Variants in ZNF317 observed in about 807,000 individuals in gnomAD.
The protein encoded by ZNF317 is zinc finger protein 317.
ZNF317 carries 17 observed loss-of-function variants against 23.4 expected under a neutral mutation model. The ratio of observed to expected loss-of-function variants is 0.73; its 90% CI spans 0.50 to 1.09. ZNF317 has a LOEUF of 1.09. Ranked by LOEUF, ZNF317 falls within the 50% of genes least tolerant of loss-of-function variation. The pLI is 0.00. For missense variants in ZNF317, 679 were observed against 796.7 expected, an observed-to-expected ratio of 0.85 and a Z score of 1.78; for synonymous variants, 317 against 314.9, an observed-to-expected ratio of 1.01 and a Z score of -0.07.
chr19:9,160,894 C>G lies in ZNF317; in HGVS notation c.1249C>G (p.Pro417Ala). Reference sequence around the variant, plus strand: ...CATGAGGATTCACATCGTCAAGAAACCCGTGGAATGTCGGCAGTGCGGGAA... The same window carrying G: ...CATGAGGATTCACATCGTCAAGAAAGCCGTGGAATGTCGGCAGTGCGGGAA... ...KHMRIHIVKK[P>A]VECRQCGKTF... The change falls in exon 7 of 7, where the codon CCC (proline) becomes GCC (alanine). Residue 417 changes from proline to alanine, a missense_variant. Pro to Ala is a conservative substitution (Grantham distance 27). Coordinates refer to ENST00000247956, the MANE Select transcript of ZNF317 (RefSeq NM_020933.5). This position sits in a 1 kb window ranked among gnomAD's most constrained non-coding sequence, Gnocchi z 6.8. 1.2e-6 allele frequency: 2 copies of G among 1,614,170 alleles called. No individual in the cohort carries two copies. Among genetic ancestry groups the G allele is most frequent in the Non-Finnish European group, 8.5e-7 (1 of 1,180,034 alleles).
rs1388224457 is a variant in ZNF317, at chr19:9,161,086, A to G, written c.1441A>G (p.Lys481Glu). 1 of 1,614,120 alleles carries G rather than the reference A, an allele frequency of 6.2e-7. No homozygotes were observed. Among genetic ancestry groups the G allele is most frequent in the Non-Finnish European group, 8.5e-7 (1 of 1,180,052 alleles). Reference protein sequence around the residue: ...ERRYECAACGKVFGDYLSRRR... With the variant: ...ERRYECAACGEVFGDYLSRRR... The stretch of plus-strand genomic sequence containing the variant: ...ACGCTACGAATGCGCCGCCTGCGGG[A>G]AAGTCTTCGGTGACTATTTATCCCG... Residue 481 changes from lysine (K) to glutamate (E), a missense_variant, in exon 7 of 7, where the codon AAA becomes GAA. Lys to Glu is a moderately conservative substitution (Grantham distance 56, BLOSUM62 1). Transcript: ENST00000247956. The surrounding 1 kb of genome is among the most constrained non-coding windows in gnomAD (Gnocchi z 4.0).
chr19:9,157,013 C>T (rs62103617), intron 3 of ZNF317: 84,915 of 635,972 alleles, frequency 0.13, 5,842 homozygotes, highest in Non-Finnish European at 0.15. Context: ...GCAAAGCTCT[C>T]GGAGTGGGCT....
At chr19:9,150,017 A>C (rs970950526) in intron 1 of ZNF317, among the ~76,000 whole-genome samples, 34 of 152,150 alleles carry the variant, frequency 2.2e-4, no homozygotes, top group Admixed American at 9.2e-4. Flanking sequence ...AAGAAAGAGG[A>C]GAGTTGAAGG....
intron 1 of ZNF317, among the ~76,000 whole-genome samples, chr19:9,152,753 T>C (rs1348741142): frequency 6.6e-6 from 1 of 152,236 alleles, no homozygotes; most frequent in Non-Finnish European, 1.5e-5. Context: ...ACAATAAATG[T>C]AATGCACTCA....
rs2050833752 is a variant in ZNF317, at chr19:9,160,268, A to G, written c.623A>G (p.His208Arg). ...DYGVAFKGRP[H>R]LTQHMSMYDG... ...GGGGTAGCGTTCAAGGGCAGGCCGC[A>G]CCTCACTCAGCACATGAGCATGTAC... The change falls in exon 7 of 7, where the codon CAC becomes CGC. Residue 208 changes from histidine (H) to arginine (R), a missense_variant. Transcript: ENST00000247956. The surrounding 1 kb of genome is among the most constrained non-coding windows in gnomAD (Gnocchi z 6.8). 1.2e-6 allele frequency: 2 copies of G among 1,614,048 alleles called. No individual in the cohort carries two copies. Among genetic ancestry groups the G allele is most frequent in the Non-Finnish European group, 1.7e-6 (2 of 1,180,038 alleles).
At chr19:9,152,055 C>T (rs1435041061) in intron 1 of ZNF317, among the ~76,000 whole-genome samples, 1 of 152,040 alleles carries the variant, frequency 6.6e-6, no homozygotes, top group Admixed American at 6.6e-5. Context: ...TACAGGCACT[C>T]ATCACCACGC....
chr19:9,153,193 G>A lies in ZNF317; in HGVS notation c.-92-2732G>A, dbSNP rs113861101. Reference sequence around the variant, plus strand: ...GTTTGTTTGTTTGAGACTGAGTCTCGCTCTCTCACCCAGGCTAGAGTGTGA... The same window carrying A: ...GTTTGTTTGTTTGAGACTGAGTCTCACTCTCTCACCCAGGCTAGAGTGTGA... On this transcript the variant is annotated intron_variant, in intron 1 of 6. Coordinates refer to ENST00000247956, the MANE Select transcript of ZNF317 (RefSeq NM_020933.5). Among the ~76,000 whole-genome samples, 28 of 151,728 alleles carry A rather than the reference G, an allele frequency of 1.8e-4. 1 individual carries two copies. The East Asian group carries it at 2.7e-3, about 15-fold the overall frequency.
At chr19:9,156,154 G>C in intron 2 of ZNF317, 113 bp downstream of exon 2, 1 of 1,378,938 alleles carries the variant, frequency 7.3e-7, no homozygotes, top group South Asian at 1.2e-5. Flanking sequence ...GGATGGGCAA[G>C]TGGAAAAGGG....
chr19:9,146,514 G>A (rs1030671696), intron 1 of ZNF317, among the ~76,000 whole-genome samples: 5 of 149,224 alleles, frequency 3.4e-5, no homozygotes, highest in South Asian at 2.1e-4. Context: ...TGCAACCTCC[G>A]CCTCTCAGGT....
At position 9,160,543 on chromosome 19, in the gene ZNF317, C is replaced by T; in HGVS notation, c.898C>T (p.His300Tyr). The change falls in exon 7 of 7, where the codon CAC becomes TAC. Residue 300 changes from histidine (H) to tyrosine (Y), a missense_variant. Transcript: ENST00000247956. This position sits in a 1 kb window ranked among gnomAD's most constrained non-coding sequence, Gnocchi z 6.8. The part of the protein sequence containing the change: ...LSALKIHMRV[H>Y]TGERPYKCDQ... Reference sequence around the variant, plus strand: ...GGCCCTGAAAATCCACATGCGAGTTCACACTGGCGAGAGGCCTTACAAGTG... The same window carrying T: ...GGCCCTGAAAATCCACATGCGAGTTTACACTGGCGAGAGGCCTTACAAGTG... 4 of 1,614,210 alleles carry T rather than the reference C, an allele frequency of 2.5e-6. No homozygotes were observed. The highest frequency in any genetic ancestry group is 3.4e-6 in the Non-Finnish European group (4 of 1,180,046).
At chr19:9,156,427 T>C (rs1337536748) in intron 2 of ZNF317, among the ~76,000 whole-genome samples, 185 bp from the exon 3 acceptor site, 1 of 152,092 alleles carries the variant, frequency 6.6e-6, no homozygotes, top group Non-Finnish European at 1.5e-5. Flanking sequence ...ATGTTTTTGG[T>C]GGAACAGGGC....
intron 1 of ZNF317, among the ~76,000 whole-genome samples, chr19:9,144,317 A>G (rs945033315): frequency 9.9e-5 from 15 of 152,024 alleles, no homozygotes; most frequent in Non-Finnish European, 1.3e-4. Context: ...TTGTATTCTT[A>G]TATTTTAGAT....
intron 1 of ZNF317, among the ~76,000 whole-genome samples, chr19:9,140,841 T>TG (rs942176033): frequency 6.6e-5 from 10 of 151,754 alleles, no homozygotes; most frequent in African/African-American, 2.4e-4. Flanking sequence ...AAGTCTCTGG[T>TG]GGGGGCGGAA....
chr19:9,159,416 C>T (rs1725852021), intron 6 of ZNF317, among the ~76,000 whole-genome samples: 1 of 133,414 alleles, frequency 7.5e-6, no homozygotes, highest in South Asian at 2.2e-4. Context: ...ACCATGTTGC[C>T]CAGGCTGGTC....
intron 1 of ZNF317, among the ~76,000 whole-genome samples, chr19:9,144,366 T>C (rs1454472952): frequency 6.6e-6 from 1 of 152,246 alleles, no homozygotes; most frequent in African/African-American, 2.4e-5. Context: ...TAATCTATTC[T>C]GTGAATATTA....
intron 3 of ZNF317, chr19:9,156,963 C>G (rs2050790315): frequency 1.5e-6 from 1 of 685,700 alleles, no homozygotes; most frequent in Non-Finnish European, 2.4e-6. Flanking sequence ...TGCAAAATCT[C>G]AGGCCCTTGC....
At chr19:9,144,798 T>C (rs2050668846) in intron 1 of ZNF317, among the ~76,000 whole-genome samples, 1 of 152,210 alleles carries the variant, frequency 6.6e-6, no homozygotes, top group Non-Finnish European at 1.5e-5. Context: ...GTGTAATTCT[T>C]CCACTGTTTG....
chr19:9,156,807 A>G, intron 3 of ZNF317, 59 bp downstream of exon 3: 1 of 1,573,894 alleles, frequency 6.4e-7, no homozygotes, highest in Non-Finnish European at 8.6e-7. Context: ...AGACCCCACC[A>G]GTGCATGCTG....
Position 9,160,699 on chromosome 19 carries a change from C to G in ZNF317, c.1054C>G (p.His352Asp). 1 of 1,614,194 alleles carries G rather than the reference C, an allele frequency of 6.2e-7. No individual in the cohort carries two copies. The highest frequency in any genetic ancestry group is 8.5e-7 in the Non-Finnish European group (1 of 1,180,046). ...CCAGCACCCCTCCCACCTCAAAGAG[C>G]ACGTGAGGAATCACACGGGGGAGAA... ...AFQHPSHLKE[H>D]VRNHTGEKPY... is the part of the protein sequence containing the mutation. The change falls in exon 7 of 7, where the codon CAC (histidine) becomes GAC (aspartate). Residue 352 changes from histidine to aspartate, a missense_variant. By Grantham distance (81) the His-to-Asp change is moderately conservative. Transcript: ENST00000247956. The surrounding 1 kb of genome is among the most constrained non-coding windows in gnomAD (Gnocchi z 6.8).
Sources: allele counts gnomAD v4.1 joint callset (sites outside exome capture counted in the v4.1 genomes callset), GRCh38; gene constraint gnomAD v4.1.1; non-coding constraint Gnocchi (gnomAD v3.1); transcripts MANE v1.5; gene names NCBI Gene and HGNC (gene_info 2026-07-23, HGNC 2026-07-21).